PCDHA10: variants seen among roughly 807,000 people sequenced by gnomAD.
PCDHA10 encodes protocadherin alpha 10.
Under a neutral mutation model 61.2 loss-of-function variants are expected in PCDHA10, and 45 were observed. The ratio of observed to expected loss-of-function variants is 0.74; its 90% CI spans 0.58 to 0.94. The LOEUF (loss-of-function observed/expected upper bound fraction) is 0.94. Ranked by LOEUF, PCDHA10 falls within the 40% of genes least tolerant of loss-of-function variation. PCDHA10 has a pLI of 0.00. For synonymous variants in PCDHA10, 602 were observed against 548.8 expected (o/e 1.10, Z -1.35); for missense variants, 1,278 against 1,236.2 (o/e 1.03, Z -0.51).
Position 140,877,000 on chromosome 5 carries a change from G to A in PCDHA10, c.2388+18564G>A, listed in dbSNP as rs191376557. The stretch of plus-strand genomic sequence containing the variant: ...GCACGCACTGTCGAGCTACGTGTCG[G>A]TGCACGCGGAGAGCGGCAAGGTGTA... On this transcript the variant is annotated intron_variant, in intron 1 of 3. Transcript: ENST00000307360. 1.7e-3 allele frequency: 2,818 copies of A among 1,612,598 alleles called. 5 individuals carry two copies. The highest frequency in any genetic ancestry group is 1.8e-3 in the Non-Finnish European group (2,166 of 1,179,806).
chr5:140,950,254 T>C (rs1554219388), intron 1 of PCDHA10, among the ~76,000 whole-genome samples: 1 of 152,040 alleles, frequency 6.6e-6, no homozygotes. Context: ...CCTAAAGAGC[T>C]GAGTTTATCC....
chr5:140,872,073 T>C (rs2053472746), intron 1 of PCDHA10, among the ~76,000 whole-genome samples: 1 of 152,222 alleles, frequency 6.6e-6, no homozygotes, highest in Admixed American at 6.5e-5. Context: ...TAGCTGGGAA[T>C]GCAGTGCCAC....
At chr5:140,990,445 A>C (rs1212288513) in intron 3 of PCDHA10, among the ~76,000 whole-genome samples, 2 of 152,140 alleles carry the variant, frequency 1.3e-5, no homozygotes, top group Non-Finnish European at 2.9e-5. Context: ...TTGTGTCCAG[A>C]GCTGTTGCTG....
intron 1 of PCDHA10, among the ~76,000 whole-genome samples, chr5:140,917,805 T>C (rs2153545461): frequency 6.6e-6 from 1 of 152,328 alleles, no homozygotes; most frequent in African/African-American, 2.4e-5. Flanking sequence ...AGCCTTGCAG[T>C]ATAGTTGAAG....
At chr5:140,987,292 T>G (rs2097246000) in intron 3 of PCDHA10, among the ~76,000 whole-genome samples, 1 of 152,134 alleles carries the variant, frequency 6.6e-6, no homozygotes, top group African/African-American at 2.4e-5. Context: ...TTAACAAGCC[T>G]TCTATGTGAT....
At chr5:140,978,424 TCA>T (rs2096801674) in intron 1 of PCDHA10, among the ~76,000 whole-genome samples, 1 of 152,238 alleles carries the variant, frequency 6.6e-6, no homozygotes, top group Non-Finnish European at 1.5e-5. Flanking sequence ...GAGACTGTTA[TCA>T]GTTGCTGGTG....
chr5:140,961,915 G>T (rs1393178053), intron 1 of PCDHA10, among the ~76,000 whole-genome samples: 4 of 146,912 alleles, frequency 2.7e-5, no homozygotes, highest in Non-Finnish European at 4.5e-5. Context: ...ATGGAGTCTC[G>T]CTCTGTTGCC....
chr5:140,917,746 G>T (rs1200600528), intron 1 of PCDHA10, among the ~76,000 whole-genome samples: 2 of 152,122 alleles, frequency 1.3e-5, no homozygotes, highest in Non-Finnish European at 2.9e-5. Context: ...CTGTCCCATT[G>T]GTCTATGTGT....
chr5:140,920,722 C>T (rs2079784294), intron 1 of PCDHA10, among the ~76,000 whole-genome samples: 1 of 151,872 alleles, frequency 6.6e-6, no homozygotes, highest in Non-Finnish European at 1.5e-5. Context: ...TGTGCGCCTG[C>T]AGTCCCAGCT....
intron 1 of PCDHA10, chr5:140,883,784 A>G (rs2059818732): frequency 3.7e-6 from 6 of 1,612,354 alleles, no homozygotes; most frequent in Non-Finnish European, 4.2e-6. Context: ...TGCGCTGTCG[A>G]GCTACGTGTC....
At chr5:140,868,806 G>C (rs374832846) in intron 1 of PCDHA10, 8 of 356,954 alleles carry the variant, frequency 2.2e-5, no homozygotes, top group Non-Finnish European at 4.0e-5. Flanking sequence ...AAATAAGCAC[G>C]TTGGAAATAT....
intron 1 of PCDHA10, chr5:140,877,760 G>C (rs782609531): frequency 6.2e-7 from 1 of 1,614,194 alleles, no homozygotes; most frequent in South Asian, 1.1e-5. Context: ...TCTGCAGAGA[G>C]CCCGCCCAAG....
intron 1 of PCDHA10, among the ~76,000 whole-genome samples, chr5:140,939,224 C>T (rs761211778): frequency 8.5e-5 from 13 of 152,130 alleles, no homozygotes; most frequent in Admixed American, 4.6e-4. Context: ...TGTCTCTTCA[C>T]CTTCTGGAAG....
chr5:140,879,806 T>C (rs2058125905), intron 1 of PCDHA10, among the ~76,000 whole-genome samples: 1 of 152,250 alleles, frequency 6.6e-6, no homozygotes, highest in Non-Finnish European at 1.5e-5. Context: ...CCAGTTTCTA[T>C]TGGCTGTTGG....
chr5:140,939,215 G>C (rs1251785254), intron 1 of PCDHA10, among the ~76,000 whole-genome samples: 1 of 152,154 alleles, frequency 6.6e-6, no homozygotes, highest in African/African-American at 2.4e-5. Context: ...CCTTCTTGCT[G>C]TCTCTTCACC....
chr5:140,877,396 G>T (rs781989521), intron 1 of PCDHA10: 43 of 1,613,834 alleles, frequency 2.7e-5, no homozygotes, highest in South Asian at 1.8e-4. Context: ...TGAGGCGGAC[G>T]CTCCGCGCCA....
chr5:140,936,200 T>C (rs906256264), intron 1 of PCDHA10, among the ~76,000 whole-genome samples: 4 of 152,322 alleles, frequency 2.6e-5, no homozygotes, highest in African/African-American at 7.2e-5. Context: ...GCCAAAGTTG[T>C]CTTTTTTATT....
At chr5:140,896,706 T>C (rs188797791) in intron 1 of PCDHA10, among the ~76,000 whole-genome samples, 169 of 152,248 alleles carry the variant, frequency 1.1e-3, no homozygotes, top group East Asian at 5.2e-3. Context: ...AGGTTGTTTG[T>C]TTTTTGCTTG....
intron 1 of PCDHA10, among the ~76,000 whole-genome samples, chr5:140,910,213 G>A (rs1375224674): frequency 6.6e-6 from 1 of 152,170 alleles, no homozygotes; most frequent in South Asian, 2.1e-4. Context: ...TGACCTGGAA[G>A]TTTTCTGCTT....
Sources: allele counts gnomAD v4.1 joint callset (sites outside exome capture counted in the v4.1 genomes callset), GRCh38; gene constraint gnomAD v4.1.1; transcripts MANE v1.5; gene names NCBI Gene and HGNC (gene_info 2026-07-23, HGNC 2026-07-21).